Variants in KIFAP3 observed in about 807,000 individuals in gnomAD.
KIFAP3 encodes kinesin associated protein 3.
Under a neutral mutation model 106.5 loss-of-function variants are expected in KIFAP3, and 68 were observed. The observed-to-expected ratio is 0.64, with a 90% CI of 0.53 to 0.78. The LOEUF is 0.78. Ranked by LOEUF, KIFAP3 falls within the 30% of genes least tolerant of loss-of-function variation. KIFAP3 has a pLI of 0.00. For missense variants in KIFAP3, 780 were observed against 941.8 expected (o/e 0.83, Z 2.25); for synonymous variants, 320 against 311.5 (o/e 1.03, Z -0.29).
At chr1:170,063,002 C>T (rs1054944073) in intron 1 of KIFAP3, among the ~76,000 whole-genome samples, 1 of 152,046 alleles carries the variant, frequency 6.6e-6, no homozygotes. Context: ...TCCAACCTCA[C>T]ATGCTACCTG....
In KIFAP3 at chr1:169,975,710, G is replaced by C. The variant is rs528976957; in HGVS notation, c.1897+2375C>G. Among the ~76,000 whole-genome samples, 3 of 152,122 alleles carry C rather than the reference G, an allele frequency of 2.0e-5. No homozygotes were observed. In the East Asian group the frequency reaches 5.8e-4, roughly 29 times the overall value. On this transcript the variant is annotated intron_variant, in intron 16 of 19. Coordinates refer to ENST00000361580, the MANE Select transcript of KIFAP3 (RefSeq NM_014970.4). ...GCTCACTGGAGCCTCAAATTCCTGG[G>C]CTCAAGTGATCTTCCTACCTCAGCC... is the stretch of plus-strand genomic sequence containing the variant.
chr1:170,012,591 A>C (rs943724629), intron 10 of KIFAP3, among the ~76,000 whole-genome samples: 2 of 152,156 alleles, frequency 1.3e-5, no homozygotes, highest in African/African-American at 4.8e-5. Context: ...ATGTTCCCCC[A>C]AAATTCTTAT....
At chr1:169,975,353 T>C (rs1160807487) in intron 16 of KIFAP3, among the ~76,000 whole-genome samples, 1 of 149,110 alleles carries the variant, frequency 6.7e-6, no homozygotes, top group East Asian at 2.0e-4. Flanking sequence ...AGTATTCTGT[T>C]CAAATTATAT....
upstream of KIFAP3, among the ~76,000 whole-genome samples, chr1:170,079,607 T>G (rs1476264571): frequency 6.6e-6 from 1 of 152,174 alleles, no homozygotes; most frequent in Admixed American, 6.5e-5. Context: ...GGTTCTCTAT[T>G]CTGTTTCATT....
chr1:170,005,192 A>C (rs1310092600), intron 10 of KIFAP3, among the ~76,000 whole-genome samples: 2 of 152,078 alleles, frequency 1.3e-5, no homozygotes, highest in East Asian at 1.9e-4. Flanking sequence ...GGCGATCATT[A>C]AAAAGTCAGG....
At chr1:169,973,028 T>C (rs1451009444) in intron 16 of KIFAP3, among the ~76,000 whole-genome samples, 2 of 145,546 alleles carry the variant, frequency 1.4e-5, no homozygotes, top group African/African-American at 5.1e-5. Flanking sequence ...AGAGAAGGCA[T>C]GATAAAACAT....
At chr1:169,929,091 AACCACTAGATGG>A (rs1300231456) in intron 19 of KIFAP3, among the ~76,000 whole-genome samples, 1 of 152,182 alleles carries the variant, frequency 6.6e-6, no homozygotes, top group Non-Finnish European at 1.5e-5. Context: ...TTTATAGACC[AACCACTAGATGG>A]AGAGCTTGTC....
At chr1:170,080,252 T>G (rs1323264209) in intron 1 of KIFAP3, among the ~76,000 whole-genome samples, 1 of 152,140 alleles carries the variant, frequency 6.6e-6, no homozygotes, top group African/African-American at 2.4e-5. Flanking sequence ...GAAACAGCAC[T>G]AAGAGAAATT....
intron 10 of KIFAP3, among the ~76,000 whole-genome samples, chr1:170,016,183 C>T (rs12123693): frequency 0.17 from 25,073 of 151,802 alleles, 2,227 homozygotes; most frequent in Middle Eastern, 0.22. Context: ...TTTTTTCCTT[C>T]TTGCTTCCTT....
At chr1:170,031,192 C>G (rs1283594089) in intron 8 of KIFAP3, among the ~76,000 whole-genome samples, 1 of 151,578 alleles carries the variant, frequency 6.6e-6, no homozygotes, top group Non-Finnish European at 1.5e-5. Flanking sequence ...ACATTTTCTC[C>G]AACAGGTTGA....
At chr1:170,026,884 T>C (rs1431897956) in intron 8 of KIFAP3, among the ~76,000 whole-genome samples, 1 of 152,146 alleles carries the variant, frequency 6.6e-6, no homozygotes, top group African/African-American at 2.4e-5. Context: ...GACTAACAAA[T>C]TATAAGATTA....
chr1:169,975,521 T>C (rs1558211571), intron 16 of KIFAP3, among the ~76,000 whole-genome samples: 1 of 152,298 alleles, frequency 6.6e-6, no homozygotes, highest in East Asian at 1.9e-4. Flanking sequence ...ATTTTTAATA[T>C]GTAATACATT....
At chr1:170,018,736 A>T (rs982911456) in intron 9 of KIFAP3, among the ~76,000 whole-genome samples, 1 of 152,026 alleles carries the variant, frequency 6.6e-6, no homozygotes, top group African/African-American at 2.4e-5. Context: ...TCACATTAAT[A>T]ACTGAGCCCT....
At chr1:169,936,492 G>A (rs1177192007) in intron 19 of KIFAP3, among the ~76,000 whole-genome samples, 1 of 151,788 alleles carries the variant, frequency 6.6e-6, no homozygotes, top group Non-Finnish European at 1.5e-5. Flanking sequence ...TGAATTGTCA[G>A]ACCATCAAAG....
chr1:169,956,197 C>T (rs1307813307), intron 18 of KIFAP3, among the ~76,000 whole-genome samples: 2 of 152,034 alleles, frequency 1.3e-5, no homozygotes, highest in African/African-American at 2.4e-5. Flanking sequence ...GGAAAATACA[C>T]ACAAAGATAT....
chr1:169,998,366 A>C, intron 10 of KIFAP3, among the ~76,000 whole-genome samples: 1 of 147,562 alleles, frequency 6.8e-6, no homozygotes, highest in African/African-American at 2.5e-5. Context: ...TCGGACTACA[A>C]CTAGTGCTTC....
chr1:170,050,245 G>C (rs1374147854), intron 2 of KIFAP3, among the ~76,000 whole-genome samples: 1 of 152,028 alleles, frequency 6.6e-6, no homozygotes, highest in Non-Finnish European at 1.5e-5. Context: ...AAAGATTAGA[G>C]ATTGAAGATC....
chr1:170,045,144 T>G (rs1670177276), intron 3 of KIFAP3, among the ~76,000 whole-genome samples: 1 of 152,222 alleles, frequency 6.6e-6, no homozygotes. Flanking sequence ...ATGACCAGAC[T>G]GCTTTGAGGA....
At chr1:169,932,299 C>T (rs749922631) in intron 19 of KIFAP3, among the ~76,000 whole-genome samples, 11 of 151,984 alleles carry the variant, frequency 7.2e-5, no homozygotes, top group Admixed American at 1.3e-4. Context: ...CTGAAAAATA[C>T]TAATAAGAAA....
Sources: allele counts gnomAD v4.1 joint callset (sites outside exome capture counted in the v4.1 genomes callset), GRCh38; gene constraint gnomAD v4.1.1; transcripts MANE v1.5; gene names NCBI Gene and HGNC (gene_info 2026-07-23, HGNC 2026-07-21).